The following RAD51B variants were observed in gnomAD, a reference collection of about 807,000 sequenced individuals.
RAD51B encodes RAD51 paralog B, also known as DNA repair protein RAD51 homolog 2.
In RAD51B, 38 loss-of-function variants were observed where a neutral mutation model predicts 42.2. The observed-to-expected ratio is 0.90, with a 90% CI of 0.70 to 1.18. RAD51B has a LOEUF of 1.18. Among genes scored for constraint, RAD51B ranks in the 50% most tolerant of loss-of-function variants. The pLI, the probability that RAD51B is intolerant of heterozygous loss-of-function variation, is 0.00. For missense variants in RAD51B, 373 were observed against 400.7 expected (o/e 0.93, Z 0.59); for synonymous variants, 154 against 145.2 (o/e 1.06, Z -0.43).
intron 9 of RAD51B, among the ~76,000 whole-genome samples, chr14:68,439,525 C>G (rs1199863854): frequency 6.6e-6 from 1 of 152,260 alleles, no homozygotes; most frequent in East Asian, 1.9e-4. Context: ...ACATAAGCAC[C>G]CTGGTTGGTA....
chr14:68,583,284 G>C (rs571640356), intron 10 of RAD51B, among the ~76,000 whole-genome samples: 13 of 152,266 alleles, frequency 8.5e-5, no homozygotes, highest in South Asian at 6.2e-4. Flanking sequence ...CTGCCAGGAG[G>C]GGGTGACACT....
intron 9 of RAD51B, among the ~76,000 whole-genome samples, chr14:68,465,487 C>G (rs755900156): frequency 6.6e-6 from 1 of 152,162 alleles, no homozygotes; most frequent in Non-Finnish European, 1.5e-5. Context: ...TCTTGGGAGC[C>G]TGTTAGAAAT....
chr14:68,471,369 G>A lies in RAD51B; in HGVS notation c.1036+3119G>A, dbSNP rs3742886. On this transcript the variant is annotated intron_variant, in intron 10 of 10. Coordinates refer to ENST00000471583, the MANE Select transcript of RAD51B (RefSeq NM_133510.4). ...AAGATGCCTACTGGCCTGCTAGCCCGGAGATTTTATAATACCTGAAGAACT... is the reference window on the plus strand; with the variant it reads ...AAGATGCCTACTGGCCTGCTAGCCCAGAGATTTTATAATACCTGAAGAACT... Among the ~76,000 whole-genome samples the A allele has an allele frequency of 2.7e-4, 41 of 152,238 alleles. 1 individual carries two copies. The highest frequency in any genetic ancestry group is 1.9e-3 in the East Asian group (10 of 5,184).
chr14:67,856,604 G>A (rs1053830688), intron 4 of RAD51B, among the ~76,000 whole-genome samples: 6 of 152,114 alleles, frequency 3.9e-5, no homozygotes, highest in Non-Finnish European at 7.4e-5. Context: ...TATTGGCTTG[G>A]CAGATTACCC....
intron 7 of RAD51B, among the ~76,000 whole-genome samples, chr14:67,964,659 T>G (rs1395197718): frequency 6.6e-6 from 1 of 152,160 alleles, no homozygotes; most frequent in Non-Finnish European, 1.5e-5. Flanking sequence ...TGGCTCTGAT[T>G]ATGTTTGACT....
chr14:68,162,955 AT>A (rs1264317000), intron 7 of RAD51B, among the ~76,000 whole-genome samples: 1 of 152,246 alleles, frequency 6.6e-6, no homozygotes, highest in African/African-American at 2.4e-5. Context: ...CGTTAAATGT[AT>A]TATAGCTGCA....
chr14:68,448,517 A>C (rs1430081723), intron 9 of RAD51B, among the ~76,000 whole-genome samples: 1 of 152,284 alleles, frequency 6.6e-6, no homozygotes, highest in Non-Finnish European at 1.5e-5. Flanking sequence ...TGTCTAAGCC[A>C]GTACTTGGAA....
intron 7 of RAD51B, among the ~76,000 whole-genome samples, chr14:68,095,296 TA>T (rs35832065): frequency 2.7e-3 from 396 of 145,246 alleles, no homozygotes; most frequent in Non-Finnish European, 3.1e-3. Context: ...GAAAGAGGGT[TA>T]AAAAAAAAAA....
chr14:68,380,603 A>G (rs1206086147), intron 8 of RAD51B, among the ~76,000 whole-genome samples: 1 of 152,202 alleles, frequency 6.6e-6, no homozygotes, highest in Non-Finnish European at 1.5e-5. Flanking sequence ...AGTCTCAGCA[A>G]GAGTCATCAG....
At chr14:68,681,845 C>T (rs1893437391) in intron 11 of RAD51B, among the ~76,000 whole-genome samples, 1 of 152,140 alleles carries the variant, frequency 6.6e-6, no homozygotes, top group South Asian at 2.1e-4. Flanking sequence ...CTTTAATTGT[C>T]AAGAATGCAT....
chr14:67,960,900 C>T (rs897671985), intron 7 of RAD51B, among the ~76,000 whole-genome samples: 3 of 152,130 alleles, frequency 2.0e-5, no homozygotes, highest in African/African-American at 7.2e-5. Context: ...AACTCTTGGC[C>T]TCAAGCAATC....
intron 11 of RAD51B, among the ~76,000 whole-genome samples, chr14:68,676,876 G>A (rs550752313): frequency 2.0e-5 from 3 of 152,380 alleles, no homozygotes; most frequent in East Asian, 1.9e-4. Flanking sequence ...CAGGGCCAGC[G>A]TGAGGTCAGG....
intron 10 of RAD51B, among the ~76,000 whole-genome samples, chr14:68,618,394 T>C (rs1891870174): frequency 1.3e-5 from 2 of 152,278 alleles, no homozygotes; most frequent in South Asian, 4.1e-4. Context: ...CTACCAAAAG[T>C]TGCACTGTCA....
intron 11 of RAD51B, among the ~76,000 whole-genome samples, chr14:68,678,689 C>T (rs1027152299): frequency 3.3e-5 from 5 of 152,008 alleles, no homozygotes; most frequent in East Asian, 1.9e-4. Flanking sequence ...CTGGTGAGGC[C>T]GTGAGGGTTT....
intron 8 of RAD51B, among the ~76,000 whole-genome samples, chr14:68,404,202 T>C (rs141119130): frequency 0.01 from 1,594 of 152,340 alleles, 12 homozygotes; most frequent in South Asian, 0.018. Context: ...TGTATTTGCA[T>C]TGGAATTAAC....
intron 10 of RAD51B, among the ~76,000 whole-genome samples, chr14:68,540,038 T>C (rs11158750): frequency 0.24 from 36,393 of 151,868 alleles, 4,868 homozygotes; most frequent in East Asian, 0.63. Context: ...AGAGCATTTC[T>C]GTGCTGGCAT....
intron 8 of RAD51B, among the ~76,000 whole-genome samples, chr14:68,325,886 T>C (rs188818710): frequency 2.0e-5 from 3 of 152,310 alleles, no homozygotes; most frequent in Admixed American, 2.0e-4. Flanking sequence ...TGTTTTTTAA[T>C]GGCTCTCTAC....
At chr14:67,952,004 C>A (rs543086084) in intron 7 of RAD51B, among the ~76,000 whole-genome samples, 1 of 140,160 alleles carries the variant, frequency 7.1e-6, no homozygotes, top group South Asian at 2.1e-4. Flanking sequence ...ACAAAAAATT[C>A]TTCGGTGGGA....
intron 11 of RAD51B, among the ~76,000 whole-genome samples, chr14:68,675,781 A>C (rs1893290241): frequency 6.6e-6 from 1 of 152,172 alleles, no homozygotes; most frequent in Non-Finnish European, 1.5e-5. Context: ...TAGCCCAGGC[A>C]TTGTTCTCTC....
Sources: gnomAD v4.1 joint callset for allele counts (sites outside exome capture counted in the v4.1 genomes callset) on GRCh38, gnomAD v4.1.1 for gene constraint, MANE v1.5 for transcripts, NCBI Gene and HGNC (gene_info 2026-07-23, HGNC 2026-07-21) for gene names.